Variants in HSD17B12 observed in about 807,000 individuals in gnomAD.
The protein encoded by HSD17B12 is hydroxysteroid 17-beta dehydrogenase 12.
A neutral mutation model predicts 39.3 loss-of-function variants in HSD17B12; 32 were observed. The observed-to-expected ratio is 0.81, with a 90% confidence interval of 0.61 to 1.09. The LOEUF is 1.09. Among genes scored for constraint, HSD17B12 ranks in the 50% least tolerant of loss-of-function variants. The pLI is 0.00. For synonymous variants in HSD17B12, 150 were observed against 146.7 expected, an observed-to-expected ratio of 1.02 and a Z score of -0.16; for missense variants, 342 against 382.9, an observed-to-expected ratio of 0.89 and a Z score of 0.89.
intron 2 of HSD17B12, among the ~76,000 whole-genome samples, chr11:43,751,636 A>T (rs2134942020): frequency 6.6e-6 from 1 of 152,256 alleles, no homozygotes; most frequent in Admixed American, 6.5e-5. Flanking sequence ...GTTAATTTTA[A>T]TTTTTCCAGC....
At chr11:43,662,668 C>T in the HSD17B12 span, among the ~76,000 whole-genome samples, 1 of 152,080 alleles carries the variant, frequency 6.6e-6, no homozygotes, top group East Asian at 1.9e-4. Flanking sequence ...CATGGATTCA[C>T]AATACATTCC....
chr11:43,676,044 G>A (rs951937363), upstream of HSD17B12, among the ~76,000 whole-genome samples: 18 of 152,074 alleles, frequency 1.2e-4, no homozygotes, highest in African/African-American at 2.9e-4. Context: ...CCTGGGAGGC[G>A]GAGGTTGTAG....
At chr11:43,707,627 G>A (rs560175003) in intron 1 of HSD17B12, among the ~76,000 whole-genome samples, 14 of 152,322 alleles carry the variant, frequency 9.2e-5, no homozygotes, top group African/African-American at 3.1e-4. Flanking sequence ...GAAGTGCAGA[G>A]GATGGGTCTG....
At chr11:43,718,730 G>A (rs2134857179) in intron 1 of HSD17B12, 1 of 1,265,040 alleles carries the variant, frequency 7.9e-7, no homozygotes, top group Non-Finnish European at 1.1e-6. Context: ...TGAAGCCAAA[G>A]CAAAGGCTTT....
At chr11:43,766,914 A>T (rs1025191887) in intron 3 of HSD17B12, among the ~76,000 whole-genome samples, 7 of 152,170 alleles carry the variant, frequency 4.6e-5, no homozygotes, top group Non-Finnish European at 8.8e-5. Flanking sequence ...CCAGTCGTTT[A>T]CTCTGATAGA....
In HSD17B12 at chr11:43,691,578, A is replaced by G. The variant is rs142157426; in HGVS notation, c.160+10591A>G. Among the ~76,000 whole-genome samples, 84 of 152,260 alleles carry G rather than the reference A, an allele frequency of 5.5e-4. No individual in the cohort carries two copies. The East Asian group carries it at 7.9e-3, about 14-fold the overall frequency. ...TCTCCTAATATATTGCCTCCCTACC[A>G]AATCTTACACTCACTCTGGCGCAAG... is the stretch of plus-strand genomic sequence containing the variant. On this transcript the variant is annotated intron_variant, in intron 1 of 10. Coordinates refer to ENST00000278353, the MANE Select transcript of HSD17B12 (RefSeq NM_016142.3).
chr11:43,842,465 G>A (rs1951435911), intron 9 of HSD17B12, among the ~76,000 whole-genome samples: 1 of 152,096 alleles, frequency 6.6e-6, no homozygotes, highest in African/African-American at 2.4e-5. Flanking sequence ...CATATGTATA[G>A]GTTTCATTCG....
rs773055512 is a variant in HSD17B12, at chr11:43,798,450, T to C, written c.391+23T>C. 5.7e-6 allele frequency: 8 copies of C among 1,395,112 alleles called. No individual in the cohort carries two copies. The African/African-American group carries it at 7.2e-5, about 12-fold the overall frequency. The allele number at this position is 1,395,112 out of a possible 1,614,324, so 86.4% of individuals were successfully genotyped here. The stretch of plus-strand genomic sequence containing the variant: ...TAGGTTTGTATTTTTGCCACATTTA[T>C]AGGTTCTTCTTGTATTTATTATTTG... On this transcript the variant is annotated intron_variant, in intron 4 of 10. Transcript: ENST00000278353.
At chr11:43,681,829 C>CG (rs2134735603) in intron 1 of HSD17B12, among the ~76,000 whole-genome samples, 1 of 142,688 alleles carries the variant, frequency 7.0e-6, no homozygotes, top group East Asian at 2.0e-4. Context: ...TTTGCTCCCC[C>CG]CCCCCTTTTT....
At chr11:43,693,470 C>G (rs187803847) in intron 1 of HSD17B12, among the ~76,000 whole-genome samples, 1 of 152,254 alleles carries the variant, frequency 6.6e-6, no homozygotes, top group Admixed American at 6.5e-5. Flanking sequence ...ATGCCATGCT[C>G]TTGGTACACC....
chr11:43,807,416 T>G (rs538823216), intron 4 of HSD17B12, among the ~76,000 whole-genome samples: 4 of 152,118 alleles, frequency 2.6e-5, no homozygotes, highest in Non-Finnish European at 5.9e-5. Flanking sequence ...ATATTCTTAG[T>G]GTGTCAGTAG....
chr11:43,620,743 C>T, the HSD17B12 span, among the ~76,000 whole-genome samples: 1 of 152,112 alleles, frequency 6.6e-6, no homozygotes, highest in Non-Finnish European at 1.5e-5. Flanking sequence ...ACATTGATTG[C>T]GTATTTAGAA....
intron 1 of HSD17B12, among the ~76,000 whole-genome samples, chr11:43,706,807 G>A (rs1950020712): frequency 6.6e-6 from 1 of 151,840 alleles, no homozygotes; most frequent in Non-Finnish European, 1.5e-5. Flanking sequence ...GACACTTCCT[G>A]TGTTTAAGGT....
chr11:43,600,795 T>G, the HSD17B12 span, among the ~76,000 whole-genome samples: 1 of 151,944 alleles, frequency 6.6e-6, no homozygotes, highest in Non-Finnish European at 1.5e-5. Flanking sequence ...ATATAATATA[T>G]GTAAATTGCA....
At chr11:43,726,354 C>G (rs1950219782) in intron 1 of HSD17B12, among the ~76,000 whole-genome samples, 1 of 152,032 alleles carries the variant, frequency 6.6e-6, no homozygotes, top group East Asian at 1.9e-4. Flanking sequence ...AGGAAATGTT[C>G]AGGGAATATA....
chr11:43,611,682 C>T, the HSD17B12 span, among the ~76,000 whole-genome samples: 1 of 152,114 alleles, frequency 6.6e-6, no homozygotes, highest in Admixed American at 6.5e-5. Flanking sequence ...GGGGCTGGAG[C>T]CACCAGTTGC....
chr11:43,581,422 G>T, the HSD17B12 span: 3 of 522,580 alleles, frequency 5.7e-6, no homozygotes, highest in Non-Finnish European at 1.2e-5. The surrounding 1 kb of genome is among the most constrained non-coding windows in gnomAD (Gnocchi z 4.9). Context: ...TTGCGGTCTG[G>T]GCTTGCTGTA....
the HSD17B12 span, among the ~76,000 whole-genome samples, chr11:43,671,163 TTTTA>T: frequency 6.6e-6 from 1 of 152,056 alleles, no homozygotes; most frequent in Non-Finnish European, 1.5e-5. Flanking sequence ...CATGGTTTTA[TTTTA>T]TTTATTTATT....
intron 1 of HSD17B12, among the ~76,000 whole-genome samples, chr11:43,750,680 G>A (rs143075500): frequency 6.6e-6 from 1 of 152,298 alleles, no homozygotes; most frequent in East Asian, 1.9e-4. Context: ...CACCAGCAAT[G>A]TGTGAGAGTC....
Sources: gnomAD v4.1 joint callset for allele counts (sites outside exome capture counted in the v4.1 genomes callset) on GRCh38, gnomAD v4.1.1 for gene constraint, Gnocchi (gnomAD v3.1) non-coding constraint, MANE v1.5 for transcripts, NCBI Gene and HGNC (gene_info 2026-07-23, HGNC 2026-07-21) for gene names.